Variants in STARD13 observed in about 807,000 individuals in gnomAD.
STARD13 encodes stAR-related lipid transfer protein 13.
In STARD13, 62 loss-of-function variants were observed where a neutral mutation model predicts 106.4. The observed-to-expected ratio is 0.58, with a 90% CI of 0.48 to 0.72. The LOEUF (loss-of-function observed/expected upper bound fraction) is 0.72, where lower values mean the gene tolerates loss of function less well. Ranked by LOEUF, STARD13 falls within the 30% of genes least tolerant of loss-of-function variation. STARD13 has a pLI of 0.00. For synonymous variants in STARD13, 565 were observed against 553.0 expected, an observed-to-expected ratio of 1.02 and a Z score of -0.31; for missense variants, 1,387 against 1,424.0, an observed-to-expected ratio of 0.97 and a Z score of 0.42.
intron 8 of STARD13, among the ~76,000 whole-genome samples, chr13:33,115,748 T>G (rs751452449): frequency 2.6e-5 from 4 of 152,308 alleles, no homozygotes; most frequent in Non-Finnish European, 5.9e-5. Flanking sequence ...TTCTGTAAGA[T>G]GTATGACCCT....
At chr13:33,144,006 C>G (rs1880196515) in intron 3 of STARD13, among the ~76,000 whole-genome samples, 1 of 152,238 alleles carries the variant, frequency 6.6e-6, no homozygotes, top group Non-Finnish European at 1.5e-5. Context: ...TCTCATCTCT[C>G]TGGACACCAT....
At chr13:33,321,507 G>GAA (rs552088112) in intron 1 of STARD13, among the ~76,000 whole-genome samples, 1 of 133,866 alleles carries the variant, frequency 7.5e-6, no homozygotes, top group African/African-American at 2.7e-5. Context: ...CCGTCTCAGG[G>GAA]AAAAAAAAAA....
intron 8 of STARD13, 195 bp from the exon 9 acceptor site, chr13:33,113,126 G>A: frequency 1.8e-6 from 1 of 551,456 alleles, no homozygotes; most frequent in African/African-American, 1.9e-5. Context: ...AGGCAGAGCT[G>A]AGTCCCAACC....
chr13:33,465,707 C>T, the STARD13 span, among the ~76,000 whole-genome samples: 1 of 152,110 alleles, frequency 6.6e-6, no homozygotes, highest in African/African-American at 2.4e-5. Flanking sequence ...AAATGACATG[C>T]ACTACGCTAA....
the STARD13 span, among the ~76,000 whole-genome samples, chr13:33,584,830 G>T: frequency 6.6e-6 from 1 of 151,750 alleles, no homozygotes; most frequent in Non-Finnish European, 1.5e-5. Flanking sequence ...ATGATAGGGA[G>T]TGAATTATCA....
chr13:33,301,298 G>T (rs1030632807), intron 1 of STARD13, among the ~76,000 whole-genome samples: 1 of 152,330 alleles, frequency 6.6e-6, no homozygotes, highest in East Asian at 1.9e-4. Context: ...TGATTACTCA[G>T]CACAGATGGA....
chr13:33,492,597 A>C, the STARD13 span, among the ~76,000 whole-genome samples: 13 of 152,176 alleles, frequency 8.5e-5, no homozygotes, highest in African/African-American at 3.1e-4. Context: ...TCACTGCTAC[A>C]CTTCCATCAG....
At chr13:33,202,256 A>G (rs1887093269) in intron 1 of STARD13, among the ~76,000 whole-genome samples, 1 of 152,226 alleles carries the variant, frequency 6.6e-6, no homozygotes, top group Admixed American at 6.5e-5. Flanking sequence ...TTAATAGTTA[A>G]TCTGCTGGTG....
chr13:33,443,487 C>G, the STARD13 span, among the ~76,000 whole-genome samples: 3 of 151,208 alleles, frequency 2.0e-5, no homozygotes, highest in African/African-American at 7.3e-5. Context: ...AGCACACACT[C>G]TATTGCAACC....
At chr13:33,487,644 A>G in the STARD13 span, among the ~76,000 whole-genome samples, 2,189 of 152,250 alleles carry the variant, frequency 0.014, 57 homozygotes, top group African/African-American at 0.047. Flanking sequence ...CACCTTCATA[A>G]TCTTCCTTGT....
At chr13:33,440,818 C>G in the STARD13 span, among the ~76,000 whole-genome samples, 2 of 142,590 alleles carry the variant, frequency 1.4e-5, no homozygotes, top group Non-Finnish European at 3.0e-5. Context: ...CTCTGTCACC[C>G]AAGGCCAGGC....
intron 5 of STARD13, 49 bp downstream of exon 5, chr13:33,128,880 A>G: frequency 1.3e-6 from 2 of 1,540,792 alleles, no homozygotes; most frequent in South Asian, 1.3e-5. Flanking sequence ...ACAGAACACA[A>G]TTACTATGAA....
At chr13:33,119,266 G>A (rs1006248506) in intron 7 of STARD13, among the ~76,000 whole-genome samples, 1 of 152,202 alleles carries the variant, frequency 6.6e-6, no homozygotes. Flanking sequence ...CCTATAGGGA[G>A]TTGATTTGCT....
At chr13:33,466,021 C>T in the STARD13 span, among the ~76,000 whole-genome samples, 2 of 152,036 alleles carry the variant, frequency 1.3e-5, no homozygotes, top group Non-Finnish European at 2.9e-5. Flanking sequence ...CTTATCTCTC[C>T]GAGCCTAGGT....
chr13:33,529,872 C>T, the STARD13 span, among the ~76,000 whole-genome samples: 2,217 of 152,102 alleles, frequency 0.015, 28 homozygotes, highest in Non-Finnish European at 0.024. Flanking sequence ...TAGGGGGTAC[C>T]GGTAGCAAAT....
intron 3 of STARD13, among the ~76,000 whole-genome samples, chr13:33,163,744 T>TATAACATATATATAA (rs1566039023): frequency 1.3e-4 from 15 of 113,390 alleles, no homozygotes; most frequent in South Asian, 1.2e-3. Context: ...CATATATATA[T>TATAACATATATATAA]AACATATATA....
chr13:33,152,156 C>A (rs1287306830), intron 3 of STARD13, among the ~76,000 whole-genome samples: 2 of 152,142 alleles, frequency 1.3e-5, no homozygotes, highest in African/African-American at 2.4e-5. Context: ...CAGGGGAAAT[C>A]CAGAACTCTG....
chr13:33,654,066 A>G, the STARD13 span, among the ~76,000 whole-genome samples: 2 of 152,252 alleles, frequency 1.3e-5, no homozygotes, highest in African/African-American at 4.8e-5. Flanking sequence ...TTGAATCCTC[A>G]TACATTGCTA....
In STARD13 at chr13:33,109,965, C is replaced by T. The variant is rs1440274265; in HGVS notation, c.2955G>A (p.Lys985=). Residue 985 remains lysine, a synonymous_variant, in exon 12 of 14, where the codon AAG becomes AAA. Coordinates refer to ENST00000336934, the MANE Select transcript of STARD13 (RefSeq NM_178006.4). Reference sequence around the variant, plus strand: ...TTTGCCTGTCTAGAGTTTCCACAACCTTCCACTGCACAAAGTCCTCGTCCC... The same window carrying T: ...TTTGCCTGTCTAGAGTTTCCACAACTTTCCACTGCACAAAGTCCTCGTCCC... ...HLWDEDFVQW[K]VVETLDRQTE... 1 of 1,614,248 alleles carries T rather than the reference C, an allele frequency of 6.2e-7. No homozygotes were observed.
Sources: allele counts gnomAD v4.1 joint callset (sites outside exome capture counted in the v4.1 genomes callset), GRCh38; gene constraint gnomAD v4.1.1; transcripts MANE v1.5; gene names NCBI Gene and HGNC (gene_info 2026-07-23, HGNC 2026-07-21).